LNX1: variants seen among roughly 807,000 people sequenced by gnomAD.
The protein encoded by LNX1 is ligand of numb-protein X 1.
LNX1 carries 54 observed loss-of-function variants against 68.4 expected under a neutral mutation model. The observed-to-expected ratio is 0.79, with a 90% confidence interval of 0.63 to 0.99. The LOEUF is 0.99. Ranked by LOEUF, LNX1 falls within the 50% of genes least tolerant of loss-of-function variation. The probability of loss-of-function intolerance (pLI) is 0.00; values close to 1 mark genes in which losing one functional copy is unlikely to be tolerated. For missense variants in LNX1, 906 were observed against 926.4 expected (o/e 0.98, Z 0.29); for synonymous variants, 336 against 350.0 (o/e 0.96, Z 0.45).
chr4:53,634,051 C>T (rs1384930226), intron 1 of LNX1, among the ~76,000 whole-genome samples: 1 of 152,090 alleles, frequency 6.6e-6, no homozygotes, highest in Non-Finnish European at 1.5e-5. Flanking sequence ...CAAATCAGCT[C>T]AATAGGGCAG....
At chr4:53,482,870 A>C (rs1724037654) in intron 6 of LNX1, among the ~76,000 whole-genome samples, 1 of 152,230 alleles carries the variant, frequency 6.6e-6, no homozygotes, top group Non-Finnish European at 1.5e-5. Flanking sequence ...ATGTTTAAAA[A>C]ACTGCAAAAG....
intron 2 of LNX1, among the ~76,000 whole-genome samples, chr4:53,540,897 G>A (rs1235368442): frequency 6.6e-6 from 1 of 152,082 alleles, no homozygotes; most frequent in African/African-American, 2.4e-5. Flanking sequence ...AGCACTTTGG[G>A]AGGCTGAGAC....
intron 1 of LNX1, among the ~76,000 whole-genome samples, chr4:53,641,499 C>A (rs1560704589): frequency 6.6e-6 from 1 of 152,178 alleles, no homozygotes; most frequent in Non-Finnish European, 1.5e-5. Context: ...GACAAAATAC[C>A]CAGGTGGACC....
At position 53,521,875 on chromosome 4, in the gene LNX1, C is replaced by T. The variant is rs538964240; in HGVS notation, c.381-13648G>A. On this transcript the variant is annotated intron_variant, in intron 2 of 10. Coordinates refer to ENST00000263925, the MANE Select transcript of LNX1 (RefSeq NM_001126328.3). Reference sequence around the variant, plus strand: ...AGTGCAGTGGCATCATCATAGCTTACCACAGCCTCAAACTCCTGGGCTCAA... The same window carrying T: ...AGTGCAGTGGCATCATCATAGCTTATCACAGCCTCAAACTCCTGGGCTCAA... 2.0e-5 allele frequency among the ~76,000 whole-genome samples: 3 copies of T among 152,282 alleles called. No individual in the cohort carries two copies. In the South Asian group the frequency reaches 6.2e-4, roughly 32 times the overall value.
At chr4:53,568,732 G>A (rs1730911478) in intron 2 of LNX1, among the ~76,000 whole-genome samples, 1 of 151,976 alleles carries the variant, frequency 6.6e-6, no homozygotes, top group Non-Finnish European at 1.5e-5. Flanking sequence ...GTCCCTGTTT[G>A]CAGATGACAT....
At chr4:53,518,389 T>C (rs1216430714) in intron 2 of LNX1, among the ~76,000 whole-genome samples, 1 of 152,184 alleles carries the variant, frequency 6.6e-6, no homozygotes, top group Non-Finnish European at 1.5e-5. Flanking sequence ...TTCCACTTAA[T>C]GTTAATGACT....
In LNX1 at chr4:53,567,965, A is replaced by G. The variant is rs1247235068; in HGVS notation, c.380+5658T>C. 2.6e-5 allele frequency among the ~76,000 whole-genome samples: 4 copies of G among 152,114 alleles called. No homozygotes were observed. The South Asian group carries it at 8.3e-4, about 32-fold the overall frequency. Reference sequence around the variant, plus strand: ...AACCAGGAAGAAGTTGAATCTCTGAATAGACCAATAACAGGATCTGAAATT... The same window carrying G: ...AACCAGGAAGAAGTTGAATCTCTGAGTAGACCAATAACAGGATCTGAAATT... On this transcript the variant is annotated intron_variant, in intron 2 of 10. Coordinates refer to ENST00000263925, the MANE Select transcript of LNX1 (RefSeq NM_001126328.3).
At chr4:53,539,830 T>C (rs1379804358) in intron 2 of LNX1, among the ~76,000 whole-genome samples, 3 of 152,172 alleles carry the variant, frequency 2.0e-5, no homozygotes, top group Non-Finnish European at 4.4e-5. Flanking sequence ...ACAGGGACAA[T>C]GGTTTCTTGT....
rs189189345 is a variant in LNX1, at chr4:53,498,669, C to T, written c.950G>A (p.Arg317Gln). ...TAGAATGATGTCTCCTGGCAGTAGC[C>T]GGCCGTCTCTGGCGATCACCCCATC... ...YRDGVIARDG[R>Q]LLPGDIILKV... The change falls in exon 5 of 11, where the codon CGG becomes CAG. Residue 317 changes from arginine to glutamine, a missense_variant. Transcript: ENST00000263925. The T allele has an allele frequency of 1.3e-5, 21 of 1,614,010 alleles. No homozygotes were observed. The highest frequency in any genetic ancestry group is 3.3e-5 in the Admixed American group (2 of 60,020).
chr4:53,588,573 C>T (rs1732314000), intron 1 of LNX1, among the ~76,000 whole-genome samples: 1 of 152,154 alleles, frequency 6.6e-6, no homozygotes, highest in Admixed American at 6.5e-5. Flanking sequence ...TCTAGTGAGG[C>T]ACTACCCAGT....
At chr4:53,557,848 C>T in intron 2 of LNX1, 2 of 1,612,406 alleles carry the variant, frequency 1.2e-6, no homozygotes, top group African/African-American at 1.3e-5. Flanking sequence ...CATAAACACA[C>T]AGGCACGGAC....
chr4:53,607,964 G>A (rs2590800), intron 2 of LNX1, among the ~76,000 whole-genome samples: 64,014 of 151,898 alleles, frequency 0.42, 13,443 homozygotes, highest in Admixed American at 0.45. Flanking sequence ...ACAAAAATCA[G>A]CTCAAGATGA....
At chr4:53,576,744 C>T (rs976696091) in intron 1 of LNX1, among the ~76,000 whole-genome samples, 48 of 152,144 alleles carry the variant, frequency 3.2e-4, no homozygotes, top group African/African-American at 1.1e-3. Flanking sequence ...AACATAAAGA[C>T]ACACGAATAA....
intron 2 of LNX1, among the ~76,000 whole-genome samples, chr4:53,609,693 A>G (rs1577791544): frequency 6.9e-6 from 1 of 144,812 alleles, no homozygotes; most frequent in Non-Finnish European, 1.5e-5. Context: ...CTATTATAAT[A>G]CTATTATAGT....
chr4:53,474,166 G>A lies in LNX1; in HGVS notation c.1892+2587C>T, dbSNP rs369410082. Among the ~76,000 whole-genome samples, 8 of 152,288 alleles carry A rather than the reference G, an allele frequency of 5.3e-5. No homozygotes were observed. In the South Asian group the frequency reaches 1.2e-3, roughly 24 times the overall value. ...TTTAACCAGTTCCTAATTGGCAGTG[G>A]ATACAACGATGGTGCAGTGCCTATC... is the stretch of plus-strand genomic sequence containing the variant. On this transcript the variant is annotated intron_variant, in intron 9 of 10. Coordinates refer to ENST00000263925, the MANE Select transcript of LNX1 (RefSeq NM_001126328.3).
At chr4:53,472,076 T>C (rs1264739855) in intron 9 of LNX1, among the ~76,000 whole-genome samples, 6 of 152,154 alleles carry the variant, frequency 3.9e-5, no homozygotes, top group Non-Finnish European at 7.4e-5. Flanking sequence ...AACAAAGACT[T>C]GGAACCAACC....
chr4:53,591,475 C>T lies in LNX1; in HGVS notation c.-174G>A. On this transcript the variant is annotated 5_prime_UTR_variant, in exon 1 of 11. Transcript: ENST00000263925. ...GGGTGAACCGAGCAGCTCCTTGGGC[C>T]GCCGGAGTTGTGACCAGCCTCAACT... The T allele has an allele frequency of 1.0e-6, 1 of 985,610 alleles. No homozygotes were observed. Among genetic ancestry groups the T allele is most frequent in the Non-Finnish European group, 1.2e-6 (1 of 830,152 alleles). 61.1% of individuals were successfully genotyped at this position (985,610 alleles called of 1,614,324 possible).
intron 7 of LNX1, among the ~76,000 whole-genome samples, chr4:53,479,290 G>A (rs1469392262): frequency 6.6e-6 from 1 of 152,120 alleles, no homozygotes; most frequent in Non-Finnish European, 1.5e-5. Flanking sequence ...AAAACACTCT[G>A]TCATTTATAA....
chr4:53,467,929 C>T (rs530397543), intron 9 of LNX1, among the ~76,000 whole-genome samples: 2 of 152,310 alleles, frequency 1.3e-5, no homozygotes, highest in Admixed American at 1.3e-4. Flanking sequence ...AAGATAATAT[C>T]CAGGAGAACT....
Sources: gnomAD v4.1 joint callset for allele counts (sites outside exome capture counted in the v4.1 genomes callset) on GRCh38, gnomAD v4.1.1 for gene constraint, MANE v1.5 for transcripts, NCBI Gene and HGNC (gene_info 2026-07-23, HGNC 2026-07-21) for gene names.